The following MAN1C1 variants were observed in gnomAD, a reference collection of about 807,000 sequenced individuals.
MAN1C1 encodes mannosidase alpha class 1C member 1, also known as mannosyl-oligosaccharide 1,2-alpha-mannosidase IC.
A neutral mutation model predicts 71.5 loss-of-function variants in MAN1C1; 49 were observed. The observed-to-expected ratio is 0.69, with a 90% CI of 0.54 to 0.87. MAN1C1 has a LOEUF of 0.87. MAN1C1 is among the 40% of genes least tolerant of loss of function. The pLI is 0.00. For missense variants in MAN1C1, 743 were observed against 835.0 expected (o/e 0.89, Z 1.36); for synonymous variants, 352 against 343.7 (o/e 1.02, Z -0.27).
intron 1 of MAN1C1, among the ~76,000 whole-genome samples, chr1:25,632,021 G>A (rs570079336): frequency 1.7e-4 from 26 of 152,180 alleles, no homozygotes; most frequent in Non-Finnish European, 3.1e-4. Flanking sequence ...CAAGCGATCC[G>A]CCCACTTTGG....
intron 9 of MAN1C1, among the ~76,000 whole-genome samples, chr1:25,780,155 C>T (rs1253532374): frequency 6.6e-6 from 1 of 152,170 alleles, no homozygotes; most frequent in Non-Finnish European, 1.5e-5. Context: ...TAGCAATTAC[C>T]TTACTAAAGA....
chr1:25,706,242 C>G, intron 2 of MAN1C1, among the ~76,000 whole-genome samples: 1 of 152,222 alleles, frequency 6.6e-6, no homozygotes, highest in Non-Finnish European at 1.5e-5. Context: ...CCCACACTTG[C>G]ATAACAGGAA....
intron 2 of MAN1C1, among the ~76,000 whole-genome samples, chr1:25,710,703 G>C (rs1347443141): frequency 1.3e-5 from 2 of 152,210 alleles, no homozygotes; most frequent in African/African-American, 2.4e-5. Context: ...GAAATAGCGA[G>C]ATAGACTTTC....
At chr1:25,708,701 G>A (rs554594435) in intron 2 of MAN1C1, among the ~76,000 whole-genome samples, 112 of 152,206 alleles carry the variant, frequency 7.4e-4, no homozygotes, top group African/African-American at 2.3e-3. Context: ...CCTGGGCAAC[G>A]TGGAGAAATC....
intron 2 of MAN1C1, among the ~76,000 whole-genome samples, chr1:25,727,442 T>C (rs1200016617): frequency 1.3e-5 from 2 of 152,204 alleles, no homozygotes; most frequent in Non-Finnish European, 2.9e-5. Flanking sequence ...AGGAGGTTGG[T>C]GTCTGCACCC....
At chr1:25,700,754 G>C (rs1204969026) in intron 2 of MAN1C1, among the ~76,000 whole-genome samples, 4 of 152,250 alleles carry the variant, frequency 2.6e-5, no homozygotes, top group African/African-American at 7.2e-5. Flanking sequence ...GGTAGGCTGG[G>C]GTGGTAGATT....
chr1:25,724,102 C>T (rs914596715), intron 2 of MAN1C1, among the ~76,000 whole-genome samples: 2 of 150,908 alleles, frequency 1.3e-5, no homozygotes, highest in African/African-American at 4.9e-5. Context: ...AATCTCGGCT[C>T]GCTGCAACCT....
rs531468527 is a variant in MAN1C1 at position 25,739,723 on chromosome 1, C to T, written c.638-6945C>T. Among the ~76,000 whole-genome samples the T allele has an allele frequency of 7.2e-5, 11 of 152,218 alleles. No individual in the cohort carries two copies. The South Asian group carries it at 1.7e-3, about 23-fold the overall frequency. On this transcript the variant is annotated intron_variant, in intron 2 of 11. Coordinates refer to ENST00000374332, the MANE Select transcript of MAN1C1 (RefSeq NM_020379.4). ...TCTTCACAGAAAGCTTTGTGCAGGGCGAGGCTTTGGGCACATGTTGTCACT... is the reference window on the plus strand; with the variant it reads ...TCTTCACAGAAAGCTTTGTGCAGGGTGAGGCTTTGGGCACATGTTGTCACT...
intron 2 of MAN1C1, among the ~76,000 whole-genome samples, chr1:25,737,281 C>T (rs2046995116): frequency 6.6e-6 from 1 of 152,242 alleles, no homozygotes; most frequent in Non-Finnish European, 1.5e-5. Flanking sequence ...CTTCTCCAGC[C>T]ATTGGCTGCA....
chr1:25,720,842 G>C (rs2046753076), intron 2 of MAN1C1, among the ~76,000 whole-genome samples: 2 of 152,116 alleles, frequency 1.3e-5, no homozygotes, highest in Admixed American at 6.5e-5. Flanking sequence ...GAGTTTATTT[G>C]GGGTTGTGGT....
At chr1:25,623,748 C>T (rs1180068496) in intron 1 of MAN1C1, among the ~76,000 whole-genome samples, 1 of 152,154 alleles carries the variant, frequency 6.6e-6, no homozygotes, top group Non-Finnish European at 1.5e-5. Flanking sequence ...GAGAAGAAAC[C>T]TCTTTTTGCA....
intron 1 of MAN1C1, among the ~76,000 whole-genome samples, chr1:25,679,914 G>C (rs1572144055): frequency 7.7e-6 from 1 of 129,684 alleles, no homozygotes; most frequent in South Asian, 2.4e-4. Context: ...AGAGGCCTAG[G>C]TGACACAGCA....
At chr1:25,679,950 A>AAAAATATATAT (rs1285307256) in intron 1 of MAN1C1, among the ~76,000 whole-genome samples, 2 of 117,234 alleles carry the variant, frequency 1.7e-5, no homozygotes, top group African/African-American at 7.5e-5. Context: ...AAAAAAAAAA[A>AAAAATATATAT]ATATATATAT....
chr1:25,684,181 C>G (rs184515340), intron 1 of MAN1C1, among the ~76,000 whole-genome samples: 91 of 152,108 alleles, frequency 6.0e-4, no homozygotes, highest in Middle Eastern at 3.4e-3. Context: ...TGCTTGCCCC[C>G]GCCAGCCCCC....
At chr1:25,618,607 C>T (rs1244693388) in intron 1 of MAN1C1, among the ~76,000 whole-genome samples, 1 of 152,086 alleles carries the variant, frequency 6.6e-6, no homozygotes, top group Non-Finnish European at 1.5e-5. Flanking sequence ...CCCTCACTCC[C>T]AGACTCTGGT....
rs1221287633 is a variant in MAN1C1 at position 25,769,575 on chromosome 1, T to C, written c.1142-2082T>C. Among the ~76,000 whole-genome samples the C allele has an allele frequency of 1.3e-5, 2 of 152,204 alleles. No individual in the cohort carries two copies. The highest frequency in any genetic ancestry group is 3.9e-4 in the East Asian group (2 of 5,164). Reference sequence around the variant, plus strand: ...CGCACACACTCCACCACCGCGTGATTGTGGCTAAACTCCTTGGCTTGGCAT... The same window carrying C: ...CGCACACACTCCACCACCGCGTGATCGTGGCTAAACTCCTTGGCTTGGCAT... On this transcript the variant is annotated intron_variant, in intron 7 of 11. Transcript: ENST00000374332. This position sits in a 1 kb window ranked among gnomAD's most constrained non-coding sequence, Gnocchi z 4.8.
chr1:25,672,507 C>A (rs2046006370), intron 1 of MAN1C1, among the ~76,000 whole-genome samples: 1 of 152,190 alleles, frequency 6.6e-6, no homozygotes, highest in African/African-American at 2.4e-5. Flanking sequence ...TGGCTCATGG[C>A]CACCTTCCTC....
chr1:25,658,462 T>C (rs1157590761), intron 1 of MAN1C1, among the ~76,000 whole-genome samples: 1 of 151,908 alleles, frequency 6.6e-6, no homozygotes, highest in African/African-American at 2.4e-5. Context: ...TGCTGCTTCT[T>C]TTTTTTTAAA....
At chr1:25,626,924 G>A (rs1265051874) in intron 1 of MAN1C1, among the ~76,000 whole-genome samples, 1 of 151,966 alleles carries the variant, frequency 6.6e-6, no homozygotes, top group Non-Finnish European at 1.5e-5. Flanking sequence ...TCCTTTTGAT[G>A]AGTGCTTTCT....
Sources: allele counts gnomAD v4.1 joint callset (sites outside exome capture counted in the v4.1 genomes callset), GRCh38; gene constraint gnomAD v4.1.1; non-coding constraint Gnocchi (gnomAD v3.1); transcripts MANE v1.5; gene names NCBI Gene and HGNC (gene_info 2026-07-23, HGNC 2026-07-21).